Variants in SGCZ observed in about 807,000 individuals in gnomAD.
SGCZ encodes sarcoglycan zeta.
A neutral mutation model predicts 41.3 loss-of-function variants in SGCZ; 40 were observed. That is an observed-to-expected ratio of 0.97 (90% CI 0.75 to 1.26). The LOEUF (loss-of-function observed/expected upper bound fraction) is 1.26, where lower values mean the gene tolerates loss of function less well. SGCZ is among the 50% of genes most tolerant of loss of function. SGCZ has a pLI of 0.00. For missense variants in SGCZ, 552 were observed against 369.8 expected (o/e 1.49, Z -4.04); for synonymous variants, 206 against 137.5 (o/e 1.50, Z -3.49).
chr8:14,773,432 G>C (rs973809996), intron 1 of SGCZ, among the ~76,000 whole-genome samples: 1 of 152,114 alleles, frequency 6.6e-6, no homozygotes, highest in Non-Finnish European at 1.5e-5. Context: ...CTGGTCGTGG[G>C]TTTTCCAACA....
chr8:15,136,054 T>C (rs970175973), intron 1 of SGCZ, among the ~76,000 whole-genome samples: 5 of 152,102 alleles, frequency 3.3e-5, no homozygotes, highest in Admixed American at 1.3e-4. Flanking sequence ...GACAGGGCAA[T>C]GGTAAACTGA....
intron 3 of SGCZ, among the ~76,000 whole-genome samples, chr8:14,245,431 G>C (rs557445589): frequency 1.3e-5 from 2 of 152,124 alleles, no homozygotes; most frequent in East Asian, 3.9e-4. Context: ...TTACACCTTA[G>C]ACAAAAATTC....
At chr8:14,768,797 G>A (rs936559185) in intron 1 of SGCZ, among the ~76,000 whole-genome samples, 1 of 151,878 alleles carries the variant, frequency 6.6e-6, no homozygotes, top group Non-Finnish European at 1.5e-5. Context: ...TATGAAACGA[G>A]TCTCTGCTTG....
intron 1 of SGCZ, among the ~76,000 whole-genome samples, chr8:14,571,817 G>C (rs1368636615): frequency 6.6e-6 from 1 of 152,096 alleles, no homozygotes; most frequent in Non-Finnish European, 1.5e-5. Context: ...TATAAAACAA[G>C]ACAGTTTAAA....
intron 4 of SGCZ, among the ~76,000 whole-genome samples, chr8:14,200,390 T>C (rs903669278): frequency 6.6e-6 from 1 of 152,276 alleles, no homozygotes. Context: ...TTGAATAATC[T>C]AAAATAGCCA....
At chr8:14,645,945 C>T (rs1807200073) in intron 1 of SGCZ, among the ~76,000 whole-genome samples, 1 of 151,778 alleles carries the variant, frequency 6.6e-6, no homozygotes, top group Non-Finnish European at 1.5e-5. Context: ...TGTTCTCTTA[C>T]TATGCACAAC....
chr8:14,130,763 C>A (rs1003935251), intron 5 of SGCZ, among the ~76,000 whole-genome samples: 1 of 152,108 alleles, frequency 6.6e-6, no homozygotes. Context: ...AGCAGCTGTG[C>A]CAATAGAAAA....
intron 5 of SGCZ, among the ~76,000 whole-genome samples, chr8:14,131,507 T>G (rs1025219066): frequency 3.9e-5 from 6 of 152,314 alleles, no homozygotes; most frequent in African/African-American, 1.4e-4. Context: ...ATTGATCTTA[T>G]TGAGAATCTT....
At chr8:14,169,945 G>T (rs1314273725) in intron 4 of SGCZ, among the ~76,000 whole-genome samples, 1 of 152,126 alleles carries the variant, frequency 6.6e-6, no homozygotes, top group Non-Finnish European at 1.5e-5. Flanking sequence ...AGAAATTGCT[G>T]AAACAGCTGG....
chr8:14,783,714 G>C (rs930799251), intron 1 of SGCZ, among the ~76,000 whole-genome samples: 43 of 151,964 alleles, frequency 2.8e-4, no homozygotes, highest in Non-Finnish European at 5.4e-4. Flanking sequence ...TTTTGCTGTT[G>C]TTGTTTGTTT....
chr8:15,180,676 G>A (rs2898409), intron 1 of SGCZ, among the ~76,000 whole-genome samples: 1 of 151,758 alleles, frequency 6.6e-6, no homozygotes, highest in African/African-American at 2.4e-5. Flanking sequence ...ATGAGGTCAA[G>A]AGTTCAAGAC....
At chr8:14,726,522 G>C (rs1178315412) in intron 1 of SGCZ, among the ~76,000 whole-genome samples, 1 of 151,454 alleles carries the variant, frequency 6.6e-6, no homozygotes, top group South Asian at 2.1e-4. Context: ...TATTATGATA[G>C]AGGCACAGTA....
chr8:14,569,726 C>T (rs532114060), intron 1 of SGCZ, among the ~76,000 whole-genome samples: 140 of 152,226 alleles, frequency 9.2e-4, no homozygotes, highest in South Asian at 8.3e-3. Flanking sequence ...GATAGGGCAG[C>T]CTGTCGAGGC....
chr8:14,567,089 C>T (rs991923575), intron 1 of SGCZ, among the ~76,000 whole-genome samples: 6 of 152,186 alleles, frequency 3.9e-5, no homozygotes, highest in Admixed American at 6.5e-5. Flanking sequence ...GGGCAGGGCT[C>T]GGGACCTGCA....
At chr8:14,476,126 G>A (rs943857823) in intron 2 of SGCZ, among the ~76,000 whole-genome samples, 3 of 152,136 alleles carry the variant, frequency 2.0e-5, no homozygotes, top group Admixed American at 1.3e-4. Flanking sequence ...ACTTGCCTGG[G>A]TTAAGGAATG....
At chr8:14,388,224 A>G (rs1443859625) in intron 2 of SGCZ, among the ~76,000 whole-genome samples, 1 of 152,138 alleles carries the variant, frequency 6.6e-6, no homozygotes, top group Non-Finnish European at 1.5e-5. Flanking sequence ...CCTAATTTCC[A>G]AGGACAAAAA....
intron 3 of SGCZ, among the ~76,000 whole-genome samples, chr8:14,279,407 T>G (rs928689381): frequency 1.3e-5 from 2 of 152,006 alleles, no homozygotes; most frequent in African/African-American, 4.8e-5. Flanking sequence ...AATGGGACAT[T>G]TTGAACTCTT....
chr8:14,917,015 G>T (rs1369449741), intron 1 of SGCZ, among the ~76,000 whole-genome samples: 1 of 151,978 alleles, frequency 6.6e-6, no homozygotes, highest in Non-Finnish European at 1.5e-5. Flanking sequence ...TATAATTTTG[G>T]AAATAGAAAC....
At chr8:14,400,595 T>C (rs1242092237) in intron 2 of SGCZ, among the ~76,000 whole-genome samples, 1 of 152,248 alleles carries the variant, frequency 6.6e-6, no homozygotes, top group East Asian at 1.9e-4. Flanking sequence ...ATCAGGTTAC[T>C]TTGCTTTATA....
Sources: allele counts gnomAD v4.1 joint callset (sites outside exome capture counted in the v4.1 genomes callset), GRCh38; gene constraint gnomAD v4.1.1; transcripts MANE v1.5; gene names NCBI Gene and HGNC (gene_info 2026-07-23, HGNC 2026-07-21).